Variants in CMKLR1 observed in about 807,000 individuals in gnomAD.
CMKLR1 encodes the protein chemerin chemokine-like receptor 1.
CMKLR1 carries 6 observed loss-of-function variants against 8.2 expected under a neutral mutation model. The ratio of observed to expected loss-of-function variants is 0.73; its 90% CI spans 0.40 to 1.44. The LOEUF (loss-of-function observed/expected upper bound fraction) is 1.44, where lower values mean the gene tolerates loss of function less well. CMKLR1 is among the 40% of genes most tolerant of loss of function. CMKLR1 has a pLI of 0.02. For missense variants in CMKLR1, 429 were observed against 478.0 expected (o/e 0.90, Z 0.96); for synonymous variants, 178 against 181.2 (o/e 0.98, Z 0.14).
At chr12:108,327,767 A>G (rs1892014576) in intron 2 of CMKLR1, among the ~76,000 whole-genome samples, 1 of 152,326 alleles carries the variant, frequency 6.6e-6, no homozygotes, top group East Asian at 1.9e-4. Context: ...CTGTCCCTTC[A>G]GGCGGTGGAA....
Position 108,291,532 on chromosome 12 carries a change from C to T in CMKLR1, c.*309G>A, listed in dbSNP as rs190099308. ...CACACAATAGGCAGCTTAATCCCAC[C>T]GCCCTATGCCAATCCCAGTTCATGG... On this transcript the variant is annotated 3_prime_UTR_variant, in exon 4 of 4. Transcript: ENST00000550402. The T allele has an allele frequency of 2.3e-4, 75 of 327,006 alleles. No homozygotes were observed. The highest frequency in any genetic ancestry group is 9.3e-4 in the Middle Eastern group (1 of 1,080). 20.3% of individuals were successfully genotyped at this position (327,006 alleles called of 1,614,324 possible). A position where few individuals can be genotyped will look rare whatever the true frequency, so the allele number is the denominator to read the frequency against.
At chr12:108,319,004 C>A (rs1399822) in intron 2 of CMKLR1, among the ~76,000 whole-genome samples, 20,001 of 152,076 alleles carry the variant, frequency 0.13, 2,494 homozygotes, top group African/African-American at 0.3. Context: ...GTGCCTGCCT[C>A]ACTTCCAGGC....
At chr12:108,323,905 G>A (rs566479566) in intron 2 of CMKLR1, among the ~76,000 whole-genome samples, 5 of 152,196 alleles carry the variant, frequency 3.3e-5, no homozygotes, top group African/African-American at 1.2e-4. Flanking sequence ...CCACCTGGAG[G>A]AATAGGCTGG....
At chr12:108,293,978 C>T (rs1419026470) in intron 2 of CMKLR1, among the ~76,000 whole-genome samples, 1 of 152,204 alleles carries the variant, frequency 6.6e-6, no homozygotes, top group African/African-American at 2.4e-5. Context: ...AGAGGAGGTA[C>T]ATGGATGGCT....
Position 108,299,542 on chromosome 12 carries a change from G to A in CMKLR1, c.-73-5878C>T, listed in dbSNP as rs917120944. Among the ~76,000 whole-genome samples, 6 of 152,108 alleles carry A rather than the reference G, an allele frequency of 3.9e-5. 1 individual carries two copies. Among genetic ancestry groups the A allele is most frequent in the African/African-American group, 1.2e-4 (5 of 41,404 alleles). On this transcript the variant is annotated intron_variant, in intron 2 of 3. Transcript: ENST00000550402. ...GGTGCATCCACTAGAACCTGTCAGT[G>A]TTACTTTGTTTGGGAAAAGGGTCTT... is the stretch of plus-strand genomic sequence containing the variant.
chr12:108,337,787 C>T (rs1390384738), intron 1 of CMKLR1, among the ~76,000 whole-genome samples: 2 of 152,158 alleles, frequency 1.3e-5, no homozygotes, highest in East Asian at 3.9e-4. Flanking sequence ...ATTTGAGTGC[C>T]ACTGGTTTAG....
At position 108,291,584 on chromosome 12, in the gene CMKLR1, T is replaced by G; in HGVS notation, c.*257A>C. 1 of 459,642 alleles carries G rather than the reference T, an allele frequency of 2.2e-6. No individual in the cohort carries two copies. The highest frequency in any genetic ancestry group is 3.2e-5 in the South Asian group (1 of 31,246). The allele number at this position is 459,642 out of a possible 1,614,324, so 28.5% of individuals were successfully genotyped here. On this transcript the variant is annotated 3_prime_UTR_variant, in exon 4 of 4. Coordinates refer to ENST00000550402, the MANE Select transcript of CMKLR1 (RefSeq NM_001142343.2). ...AATGCTTTTGAGAATTCTTCCTTTT[T>G]TGCTTTGAGTCAGTCAAGGCTGGCC... is the stretch of plus-strand genomic sequence containing the variant.
chr12:108,292,223 A>G lies in CMKLR1; in HGVS notation c.740T>C (p.Leu247Pro). The G allele has an allele frequency of 6.2e-7, 1 of 1,614,062 alleles. No homozygotes were observed. The highest frequency in any genetic ancestry group is 8.5e-7 in the Non-Finnish European group (1 of 1,179,972). ...TACYLTIVCK[L>P]QRNRLAKTKK... ...GGTCTTGGCCAGGCGGTTGCGCTGC[A>G]GTTTGCACACGATGGTGAGGTAGCA... The change falls in exon 4 of 4, where the codon CTG becomes CCG. Residue 247 changes from leucine to proline, a missense_variant. Physicochemically the swap from Leu to Pro is moderately conservative, Grantham distance 98. Coordinates refer to ENST00000550402, the MANE Select transcript of CMKLR1 (RefSeq NM_001142343.2).
chr12:108,314,934 GTT>G (rs3045858), intron 2 of CMKLR1, among the ~76,000 whole-genome samples: 4 of 109,598 alleles, frequency 3.6e-5, no homozygotes, highest in African/African-American at 3.7e-5. Flanking sequence ...ACACAGCCTT[GTT>G]TTTTTTTTTT....
chr12:108,328,015 G>A (rs1892021172), intron 2 of CMKLR1, among the ~76,000 whole-genome samples: 1 of 152,138 alleles, frequency 6.6e-6, no homozygotes, highest in African/African-American at 2.4e-5. Context: ...GGCCTCACAG[G>A]CTGCTCACAG....
At chr12:108,294,906 A>C (rs960931337) in intron 2 of CMKLR1, among the ~76,000 whole-genome samples, 1 of 152,262 alleles carries the variant, frequency 6.6e-6, no homozygotes, top group Non-Finnish European at 1.5e-5. Context: ...ATTTTATTAC[A>C]TAAAAGTCAT....
chr12:108,297,108 T>C (rs940061186), intron 2 of CMKLR1, among the ~76,000 whole-genome samples: 2 of 152,302 alleles, frequency 1.3e-5, no homozygotes. Flanking sequence ...TCCACTTATT[T>C]GTGAATTTTC....
At chr12:108,310,286 A>G (rs1891520147) in intron 2 of CMKLR1, among the ~76,000 whole-genome samples, 1 of 152,010 alleles carries the variant, frequency 6.6e-6, no homozygotes, top group African/African-American at 2.4e-5. Context: ...ACTTTATCCT[A>G]TGGGCAATAG....
chr12:108,304,405 T>A (rs942736212), intron 2 of CMKLR1, among the ~76,000 whole-genome samples: 3 of 152,206 alleles, frequency 2.0e-5, no homozygotes, highest in African/African-American at 7.2e-5. Context: ...GGGCAGCAGA[T>A]ATTTACCTTC....
rs538784204 is a variant in CMKLR1, at chr12:108,312,834, C to T, written c.-74+17161G>A. ...CTTGCACATTCACAATGCTACCTCA[C>T]TGACTTGGGGTACTTAGAGACTCCA... On this transcript the variant is annotated intron_variant, in intron 2 of 3. Transcript: ENST00000550402. 6.0e-4 allele frequency among the ~76,000 whole-genome samples: 91 copies of T among 152,258 alleles called. 2 individuals are homozygous for T. In the South Asian group the frequency reaches 0.013, roughly 22 times the overall value.
rs765264758 is a variant in CMKLR1 at position 108,330,036 on chromosome 12, C to T, written c.-115G>A. 18 of 152,148 alleles carry T rather than the reference C, an allele frequency of 1.2e-4. No homozygotes were observed. The highest frequency in any genetic ancestry group is 2.6e-4 in the Non-Finnish European group (18 of 68,040). 9.4% of individuals were successfully genotyped at this position (152,148 alleles called of 1,614,324 possible). ...CAAGAAGTGGACTCTATTTCTCCTCCCCTTGAATCTGCACTGGCATGGTGA... is the reference window on the plus strand; with the variant it reads ...CAAGAAGTGGACTCTATTTCTCCTCTCCTTGAATCTGCACTGGCATGGTGA... On this transcript the variant is annotated 5_prime_UTR_variant, in exon 2 of 4. Coordinates refer to ENST00000550402, the MANE Select transcript of CMKLR1 (RefSeq NM_001142343.2).
intron 2 of CMKLR1, among the ~76,000 whole-genome samples, chr12:108,309,660 GC>G (rs1891500329): frequency 6.6e-6 from 1 of 152,200 alleles, no homozygotes; most frequent in African/African-American, 2.4e-5. Context: ...ACAGATCGTG[GC>G]ACAGTCAGTA....
intron 2 of CMKLR1, 74 bp downstream of exon 2, chr12:108,329,921 C>T (rs1430202022): frequency 1.3e-5 from 2 of 152,110 alleles, no homozygotes; most frequent in Non-Finnish European, 2.9e-5. Flanking sequence ...CACTGTCATT[C>T]GTTGTTTTAA....
chr12:108,294,148 G>T (rs1191985302), intron 2 of CMKLR1, among the ~76,000 whole-genome samples: 4 of 152,184 alleles, frequency 2.6e-5, no homozygotes, highest in Admixed American at 2.6e-4. Context: ...AGTCTTCCTT[G>T]GGACTTTTCC....
Sources: allele counts gnomAD v4.1 joint callset (sites outside exome capture counted in the v4.1 genomes callset), GRCh38; gene constraint gnomAD v4.1.1; transcripts MANE v1.5; gene names NCBI Gene and HGNC (gene_info 2026-07-23, HGNC 2026-07-21).